HOPX: variants seen among roughly 807,000 people sequenced by gnomAD.
HOPX encodes the protein HOP homeobox, also known as homeodomain-only protein.
Under a neutral mutation model 11.8 loss-of-function variants are expected in HOPX, and 5 were observed. That is an observed-to-expected ratio of 0.43 (90% confidence interval 0.22 to 0.89). The LOEUF (loss-of-function observed/expected upper bound fraction) is 0.89. Among genes scored for constraint, HOPX ranks in the 40% least tolerant of loss-of-function variants. The probability of loss-of-function intolerance (pLI) is 0.28; values close to 1 mark genes in which losing one functional copy is unlikely to be tolerated. For missense variants in HOPX, 119 were observed against 120.0 expected, an observed-to-expected ratio of 0.99 and a Z score of 0.04; for synonymous variants, 49 against 49.7, an observed-to-expected ratio of 0.99 and a Z score of 0.06.
At chr4:56,679,432 T>C (rs1322813001) in intron 1 of HOPX, 1 of 152,100 alleles carries the variant, frequency 6.6e-6, no homozygotes, top group East Asian at 1.9e-4. Flanking sequence ...CAAACATTTT[T>C]TCTCCTGCCC....
chr4:56,667,969 G>A (rs998450247), intron 1 of HOPX, among the ~76,000 whole-genome samples: 2 of 152,124 alleles, frequency 1.3e-5, no homozygotes, highest in Non-Finnish European at 2.9e-5. Context: ...CTGTCATCCA[G>A]GCTGGAGTGC....
intron 1 of HOPX, among the ~76,000 whole-genome samples, chr4:56,677,306 C>A (rs1379164313): frequency 1.3e-5 from 2 of 151,630 alleles, no homozygotes; most frequent in Non-Finnish European, 2.9e-5. Context: ...ACTGAAAACC[C>A]ACAATCTTGG....
intron 1 of HOPX, 105 bp from the exon 2 acceptor site, chr4:56,658,004 G>A: frequency 9.5e-7 from 1 of 1,058,028 alleles, no homozygotes; most frequent in Non-Finnish European, 1.3e-6. Flanking sequence ...TCTAGCCAAA[G>A]TTGCCCACGG....
intron 1 of HOPX, chr4:56,679,516 C>T (rs1446319565): frequency 3.3e-5 from 5 of 150,256 alleles, no homozygotes. Context: ...CTTGCTCTGT[C>T]GCCCAGGCTG....
At chr4:56,671,280 G>T (rs537772956) in intron 1 of HOPX, among the ~76,000 whole-genome samples, 1 of 152,106 alleles carries the variant, frequency 6.6e-6, no homozygotes, top group Non-Finnish European at 1.5e-5. Context: ...ACCATGGGTA[G>T]ATTTTCAGGC....
chr4:56,672,075 CA>C (rs1419257043), intron 1 of HOPX, among the ~76,000 whole-genome samples: 2 of 151,980 alleles, frequency 1.3e-5, no homozygotes, highest in Non-Finnish European at 2.9e-5. Context: ...AATTGGGCAA[CA>C]AAATGACATC....
rs1460507370 is a variant in HOPX at position 56,657,660 on chromosome 4, C to G, written c.42+115G>C. 38 of 707,196 alleles carry G rather than the reference C, an allele frequency of 5.4e-5. No homozygotes were observed. The East Asian group carries it at 9.7e-4, about 18-fold the overall frequency. 43.8% of individuals were successfully genotyped at this position (707,196 alleles called of 1,614,324 possible). ...AAAATCATAGCACTGATTCCTGTCA[C>G]GGTGCTAGGCAGGAGAGGGTCATAC... On this transcript the variant is annotated intron_variant, in intron 2 of 3. Transcript: ENST00000420433.
chr4:56,675,669 C>T (rs1397025644), intron 1 of HOPX, among the ~76,000 whole-genome samples: 1 of 151,724 alleles, frequency 6.6e-6, no homozygotes, highest in African/African-American at 2.4e-5. Context: ...TGTTCAAAAT[C>T]AACAGCACTG....
At position 56,669,350 on chromosome 4, in the gene HOPX, T is replaced by C. The variant is rs551159447; in HGVS notation, c.-83-11451A>G. ...CAACCTGGCTGTTGAGTTAATGTGA[T>C]CATATAATTTGTCACCTAACCTAGA... On this transcript the variant is annotated intron_variant, in intron 1 of 3. Coordinates refer to ENST00000420433, the MANE Select transcript of HOPX (RefSeq NM_032495.6). Among the ~76,000 whole-genome samples the C allele has an allele frequency of 3.3e-5, 5 of 152,216 alleles. No homozygotes were observed. The East Asian group carries it at 9.7e-4, about 29-fold the overall frequency.
intron 1 of HOPX, among the ~76,000 whole-genome samples, chr4:56,671,246 A>G (rs9654326): frequency 0.016 from 2,471 of 152,072 alleles, 99 homozygotes; most frequent in African/African-American, 0.057. Flanking sequence ...GATACATCAG[A>G]GACCTGTGTG....
At chr4:56,650,217 G>A (rs1331579096) in intron 3 of HOPX, 1 of 156,372 alleles carries the variant, frequency 6.4e-6, no homozygotes, top group African/African-American at 2.4e-5. Flanking sequence ...GTAAGCTTAG[G>A]GGGTTTCTAC....
intron 1 of HOPX, 84 bp from the exon 2 acceptor site, chr4:56,657,983 A>G (rs763443615): frequency 5.4e-6 from 7 of 1,301,076 alleles, no homozygotes; most frequent in Non-Finnish European, 7.3e-6. Context: ...CTGTCCTAGT[A>G]GGACACCAAT....
At chr4:56,656,347 C>T in intron 2 of HOPX, 7 of 1,046,740 alleles carry the variant, frequency 6.7e-6, no homozygotes, top group Non-Finnish European at 8.0e-6. Flanking sequence ...CACCGACCTC[C>T]GGCTCTAAGG....
At chr4:56,676,706 T>C (rs1039838378) in intron 1 of HOPX, 1 of 151,806 alleles carries the variant, frequency 6.6e-6, no homozygotes, top group African/African-American at 2.4e-5. Context: ...GGACTCAAGA[T>C]GGAGCTCGCC....
intron 1 of HOPX, among the ~76,000 whole-genome samples, chr4:56,673,252 A>C (rs113679702): frequency 1.6e-3 from 243 of 152,296 alleles, no homozygotes; most frequent in African/African-American, 5.8e-3. Context: ...TACATCTTAA[A>C]ATTATAGTGT....
chr4:56,672,439 T>C (rs546663338), intron 1 of HOPX, among the ~76,000 whole-genome samples: 78 of 151,708 alleles, frequency 5.1e-4, no homozygotes, highest in African/African-American at 1.4e-3. Context: ...CTCTGGATGC[T>C]GAGGGACAAG....
chr4:56,672,107 TG>T (rs1718765106), intron 1 of HOPX, among the ~76,000 whole-genome samples: 1 of 152,110 alleles, frequency 6.6e-6, no homozygotes. Flanking sequence ...ATCATTAAAA[TG>T]GCAAAACATT....
chr4:56,680,967 G>A (rs1415581317), intron 1 of HOPX: 1 of 932,686 alleles, frequency 1.1e-6, no homozygotes, highest in Non-Finnish European at 1.3e-6. Context: ...TTCCAAAATA[G>A]AAGCGAGTAA....
chr4:56,666,774 G>C (rs1718461599), intron 1 of HOPX, among the ~76,000 whole-genome samples: 1 of 152,090 alleles, frequency 6.6e-6, no homozygotes, highest in Admixed American at 6.6e-5. Flanking sequence ...CTTTTCTAAA[G>C]GTCTAGTCTA....
Sources: allele counts gnomAD v4.1 joint callset (sites outside exome capture counted in the v4.1 genomes callset), GRCh38; gene constraint gnomAD v4.1.1; transcripts MANE v1.5; gene names NCBI Gene and HGNC (gene_info 2026-07-23, HGNC 2026-07-21).